Variants in TMEM74 observed in about 807,000 individuals in gnomAD.
TMEM74 encodes the protein transmembrane protein 74.
A neutral mutation model predicts 18.1 loss-of-function variants in TMEM74; 13 were observed. The observed-to-expected ratio is 0.72, with a 90% confidence interval of 0.47 to 1.14. TMEM74 has a LOEUF of 1.14. Among genes scored for constraint, TMEM74 ranks in the 50% most tolerant of loss-of-function variants. TMEM74 has a pLI of 0.00. For missense variants in TMEM74, 372 were observed against 375.9 expected (o/e 0.99, Z 0.09); for synonymous variants, 159 against 146.6 (o/e 1.08, Z -0.61).
chr8:108,772,585 G>A (rs745420097), intron 1 of TMEM74, among the ~76,000 whole-genome samples: 1 of 152,148 alleles, frequency 6.6e-6, no homozygotes, highest in Non-Finnish European at 1.5e-5. Context: ...CAATGATAAT[G>A]TGACTAATCA....
chr8:108,733,372 T>C (rs1453258739), intron 1 of TMEM74, among the ~76,000 whole-genome samples: 1 of 152,126 alleles, frequency 6.6e-6, no homozygotes, highest in African/African-American at 2.4e-5. Context: ...AACACGATGT[T>C]GAGTAAGAGA....
chr8:108,707,200 G>C (rs997270181), intron 1 of TMEM74, among the ~76,000 whole-genome samples: 3 of 150,820 alleles, frequency 2.0e-5, no homozygotes, highest in Non-Finnish European at 3.0e-5. Flanking sequence ...TGGGGGGTAG[G>C]GGGAGGGATA....
intron 1 of TMEM74, among the ~76,000 whole-genome samples, chr8:108,689,418 T>C (rs1401705827): frequency 6.6e-6 from 1 of 152,184 alleles, no homozygotes; most frequent in Non-Finnish European, 1.5e-5. Flanking sequence ...TCTAATGCTG[T>C]CAAGTATGGT....
At position 108,784,111 on chromosome 8, in the gene TMEM74, A is replaced by G; in HGVS notation, c.*70T>C. On this transcript the variant is annotated 3_prime_UTR_variant, in exon 2 of 2. Coordinates refer to ENST00000297459, the MANE Select transcript of TMEM74 (RefSeq NM_153015.3). Reference sequence around the variant, plus strand: ...GCCAGGCAAATAAATTGCACTGTGAATTTTTATAAATTAACTTTTTTCATA... The same window carrying G: ...GCCAGGCAAATAAATTGCACTGTGAGTTTTTATAAATTAACTTTTTTCATA... 1 of 1,365,910 alleles carries G rather than the reference A, an allele frequency of 7.3e-7. No individual in the cohort carries two copies. The highest frequency in any genetic ancestry group is 9.9e-7 in the Non-Finnish European group (1 of 1,012,442). 84.6% of individuals were successfully genotyped at this position (1,365,910 alleles called of 1,614,324 possible).
At chr8:108,645,486 C>G (rs1812708915) in intron 2 of TMEM74, among the ~76,000 whole-genome samples, 1 of 152,062 alleles carries the variant, frequency 6.6e-6, no homozygotes, top group African/African-American at 2.4e-5. Context: ...GTATTGAGAT[C>G]TAGCAGAAAG....
intron 1 of TMEM74, among the ~76,000 whole-genome samples, chr8:108,756,644 A>AAGAAAG (rs1422183464): frequency 6.8e-5 from 5 of 73,804 alleles, no homozygotes; most frequent in Middle Eastern, 5.2e-3. Context: ...GGAAGGAAGA[A>AAGAAAG]AGAAAGAGAA....
chr8:108,678,578 G>A lies in TMEM74; in HGVS notation n.120-23141C>T, dbSNP rs562845686. On this transcript the variant is annotated intron_variant and non_coding_transcript_variant, in intron 1 of 3. Coordinates refer to the TMEM74 transcript ENST00000518838. ...AGTAGAGACAAGGTCTCGCCATGTTGGCCAGGCTGGTCTCGAAATCCTGGC... is the reference window on the plus strand; with the variant it reads ...AGTAGAGACAAGGTCTCGCCATGTTAGCCAGGCTGGTCTCGAAATCCTGGC... 6.8e-5 allele frequency among the ~76,000 whole-genome samples: 10 copies of A among 147,080 alleles called. No homozygotes were observed. In the South Asian group the frequency reaches 1.1e-3, roughly 16 times the overall value.
intron 1 of TMEM74, among the ~76,000 whole-genome samples, chr8:108,690,717 G>C (rs1813217814): frequency 6.6e-6 from 1 of 152,134 alleles, no homozygotes; most frequent in South Asian, 2.1e-4. Flanking sequence ...AGCTACTCAG[G>C]AGGCTGAGGC....
chr8:108,681,483 G>T (rs1813114835), intron 1 of TMEM74, among the ~76,000 whole-genome samples: 1 of 152,172 alleles, frequency 6.6e-6, no homozygotes, highest in South Asian at 2.1e-4. Flanking sequence ...GCTGAAACTG[G>T]ATCCCTTCCT....
At chr8:108,648,635 A>G (rs1259314608) in intron 2 of TMEM74, among the ~76,000 whole-genome samples, 2 of 152,156 alleles carry the variant, frequency 1.3e-5, no homozygotes, top group Non-Finnish European at 2.9e-5. Flanking sequence ...AAGCCAGGGT[A>G]GCTGTCATAG....
intron 1 of TMEM74, among the ~76,000 whole-genome samples, chr8:108,735,287 T>A (rs1397488779): frequency 6.6e-6 from 1 of 152,174 alleles, no homozygotes; most frequent in Admixed American, 6.5e-5. Flanking sequence ...TGTGAAACCA[T>A]CACCACAACC....
intron 2 of TMEM74, among the ~76,000 whole-genome samples, chr8:108,628,065 AAAAAT>A (rs1486137185): frequency 6.6e-6 from 1 of 152,000 alleles, no homozygotes; most frequent in Non-Finnish European, 1.5e-5. Context: ...CTCAAAAATA[AAAAAT>A]AAAATAAAAT....
chr8:108,731,319 A>T (rs141445902), intron 1 of TMEM74, among the ~76,000 whole-genome samples: 1 of 152,124 alleles, frequency 6.6e-6, no homozygotes, highest in South Asian at 2.1e-4. Context: ...TTTCTGGGAA[A>T]ATGTACAATC....
chr8:108,706,898 G>A (rs1291612332), intron 1 of TMEM74, among the ~76,000 whole-genome samples: 2 of 151,920 alleles, frequency 1.3e-5, no homozygotes, highest in African/African-American at 4.8e-5. Context: ...AAAAGTCACA[G>A]GGGCAGTAGA....
intron 2 of TMEM74, among the ~76,000 whole-genome samples, chr8:108,627,041 T>C (rs756709859): frequency 2.8e-4 from 43 of 152,086 alleles, no homozygotes; most frequent in African/African-American, 9.9e-4. Flanking sequence ...GTTAATACTA[T>C]CATTTTCCCT....
chr8:108,752,666 T>G (rs1041176332), intron 1 of TMEM74, among the ~76,000 whole-genome samples: 1 of 152,126 alleles, frequency 6.6e-6, no homozygotes, highest in Non-Finnish European at 1.5e-5. Context: ...GATTCTTATA[T>G]AACAATTTCT....
intron 1 of TMEM74, among the ~76,000 whole-genome samples, chr8:108,681,451 A>T (rs1813114487): frequency 6.6e-6 from 1 of 152,206 alleles, no homozygotes. Flanking sequence ...TGCTGGGAAA[A>T]CTGGCTAGCC....
intron 2 of TMEM74, among the ~76,000 whole-genome samples, chr8:108,641,970 G>A (rs992000799): frequency 3.3e-5 from 5 of 151,984 alleles, no homozygotes; most frequent in Admixed American, 6.6e-5. Context: ...TATTTGACAC[G>A]CCTGGCACAG....
intron 1 of TMEM74, among the ~76,000 whole-genome samples, chr8:108,732,546 G>T (rs1305989183): frequency 6.6e-6 from 1 of 151,720 alleles, no homozygotes; most frequent in Non-Finnish European, 1.5e-5. Context: ...TAATAAAGAC[G>T]GATTAAAATA....
Sources: gnomAD v4.1 joint callset for allele counts (sites outside exome capture counted in the v4.1 genomes callset) on GRCh38, gnomAD v4.1.1 for gene constraint, MANE v1.5 for transcripts, NCBI Gene and HGNC (gene_info 2026-07-23, HGNC 2026-07-21) for gene names.